TMEM132C: variants seen among roughly 807,000 people sequenced by gnomAD.
The protein encoded by TMEM132C is protein phosphatase 1, regulatory subunit 152.
TMEM132C carries 29 observed loss-of-function variants against 61.4 expected under a neutral mutation model. The ratio of observed to expected loss-of-function variants is 0.47; its 90% CI spans 0.35 to 0.64. The LOEUF is 0.64. Ranked by LOEUF, TMEM132C falls within the 30% of genes least tolerant of loss-of-function variation. TMEM132C has a pLI of 0.00. For missense variants in TMEM132C, 1,408 were observed against 1,476.9 expected (o/e 0.95, Z 0.76); for synonymous variants, 656 against 633.1 (o/e 1.04, Z -0.54).
chr12:128,567,170 CA>C lies in TMEM132C; in HGVS notation c.1121+23068del, dbSNP rs200271523. Among the ~76,000 whole-genome samples the C allele has an allele frequency of 9.4e-3, 1,427 of 152,254 alleles. 21 individuals carry two copies. Among genetic ancestry groups the C allele is most frequent in the African/African-American group, 0.033 (1,370 of 41,548 alleles). On this transcript the variant is annotated intron_variant, in intron 3 of 8. Coordinates refer to ENST00000435159, the MANE Select transcript of TMEM132C (RefSeq NM_001136103.3). ...CAGTCTTCTAAGACCCCATCCAAAT[CA>C]GAACATCATAATGTCTCCTTCAAGG...
intron 3 of TMEM132C, among the ~76,000 whole-genome samples, chr12:128,609,111 G>GCAA (rs1266933926): frequency 6.8e-6 from 1 of 148,142 alleles, no homozygotes; most frequent in African/African-American, 2.5e-5. Context: ...CTGCCTCCCT[G>GCAA]CACTGTAACC....
rs1333080474 is a variant in TMEM132C, at chr12:128,698,771, C to T, written c.2121+1356C>T. On this transcript the variant is annotated intron_variant, in intron 8 of 8. Transcript: ENST00000435159. The stretch of plus-strand genomic sequence containing the variant: ...TCTGGTGACTTGCGGCCACAATAGG[C>T]AGGCGGTCTGGGGAGGAAGCTCAGA... Among the ~76,000 whole-genome samples the T allele has an allele frequency of 5.9e-5, 9 of 152,348 alleles. No individual in the cohort carries two copies. In the East Asian group the frequency reaches 1.5e-3, roughly 26 times the overall value.
chr12:128,507,402 C>CTTTTTTTTTTTTTTTT (rs111625089), intron 2 of TMEM132C, among the ~76,000 whole-genome samples: 1 of 113,408 alleles, frequency 8.8e-6, no homozygotes, highest in Non-Finnish European at 1.8e-5. Context: ...TTTTTTCTTT[C>CTTTTTTTTTTTTTTTT]TTTTTTTTTT....
chr12:128,600,296 T>C lies in TMEM132C; in HGVS notation c.1122-15856T>C, dbSNP rs374915041. Among the ~76,000 whole-genome samples, 594 of 152,308 alleles carry C rather than the reference T, an allele frequency of 3.9e-3. 3 individuals are homozygous for C. Among genetic ancestry groups the C allele is most frequent in the African/African-American group, 0.013 (560 of 41,570 alleles). On this transcript the variant is annotated intron_variant, in intron 3 of 8. Coordinates refer to ENST00000435159, the MANE Select transcript of TMEM132C (RefSeq NM_001136103.3). Reference sequence around the variant, plus strand: ...CGCACCGGGCCAAGACCTGATGGTTTTATAAGGGGCTTTTCCCCTTTTTTG... The same window carrying C: ...CGCACCGGGCCAAGACCTGATGGTTCTATAAGGGGCTTTTCCCCTTTTTTG...
chr12:128,409,520 G>C (rs927294603), intron 1 of TMEM132C, among the ~76,000 whole-genome samples: 1 of 152,136 alleles, frequency 6.6e-6, no homozygotes. Flanking sequence ...AATGTTTCCA[G>C]TTCCTCCCAT....
chr12:128,320,851 T>G (rs552883778), intron 1 of TMEM132C, among the ~76,000 whole-genome samples: 9 of 151,224 alleles, frequency 6.0e-5, no homozygotes, highest in Admixed American at 2.0e-4. Flanking sequence ...ATATCAACAT[T>G]TAATAATAAA....
intron 2 of TMEM132C, among the ~76,000 whole-genome samples, chr12:128,525,259 A>G (rs1193745837): frequency 6.6e-6 from 1 of 151,956 alleles, no homozygotes; most frequent in Non-Finnish European, 1.5e-5. Context: ...ATGAGCCATA[A>G]AGGGAAGTTT....
intron 1 of TMEM132C, among the ~76,000 whole-genome samples, chr12:128,354,954 T>G (rs1212571510): frequency 6.6e-6 from 1 of 152,196 alleles, no homozygotes; most frequent in African/African-American, 2.4e-5. Context: ...CTCTTCCAAC[T>G]TCCACTACCT....
intron 1 of TMEM132C, among the ~76,000 whole-genome samples, chr12:128,402,471 A>G (rs991201600): frequency 5.9e-5 from 9 of 152,122 alleles, no homozygotes; most frequent in African/African-American, 1.7e-4. Context: ...TCTGACCTCC[A>G]GGACTATATA....
intron 1 of TMEM132C, among the ~76,000 whole-genome samples, chr12:128,316,799 A>G (rs766569110): frequency 8.5e-5 from 13 of 152,136 alleles, no homozygotes; most frequent in Non-Finnish European, 1.8e-4. Flanking sequence ...CAGGTACAGA[A>G]TTGGCTTAAT....
intron 1 of TMEM132C, among the ~76,000 whole-genome samples, chr12:128,389,086 G>C (rs1443922245): frequency 6.6e-6 from 1 of 152,140 alleles, no homozygotes; most frequent in East Asian, 1.9e-4. Flanking sequence ...ATGAGTCCGG[G>C]GTACCCAGGG....
At chr12:128,702,533 G>T (rs1424942986) in intron 8 of TMEM132C, among the ~76,000 whole-genome samples, 2 of 151,972 alleles carry the variant, frequency 1.3e-5, no homozygotes, top group African/African-American at 4.8e-5. Flanking sequence ...AACCACTCCC[G>T]GTGCAGCCTT....
rs114106443 is a variant in TMEM132C at position 128,272,454 on chromosome 12, G to T, written c.85+4967G>T. On this transcript the variant is annotated intron_variant, in intron 1 of 8. Coordinates refer to ENST00000435159, the MANE Select transcript of TMEM132C (RefSeq NM_001136103.3). The stretch of plus-strand genomic sequence containing the variant: ...AATTATGCAAGTTTTGGGTAATTAT[G>T]AAAAATGTTGCTATAAATATTCACC... Among the ~76,000 whole-genome samples, 1,326 of 152,234 alleles carry T rather than the reference G, an allele frequency of 8.7e-3. 21 individuals carry two copies. The highest frequency in any genetic ancestry group is 0.03 in the African/African-American group (1,256 of 41,544).
chr12:128,664,291 C>T (rs1233384809), intron 4 of TMEM132C, among the ~76,000 whole-genome samples: 1 of 143,972 alleles, frequency 6.9e-6, no homozygotes, highest in Non-Finnish European at 1.5e-5. Context: ...ATATAGTTCA[C>T]CTAGAAAATG....
chr12:128,293,933 G>T (rs1469770140), intron 1 of TMEM132C, among the ~76,000 whole-genome samples: 1 of 152,110 alleles, frequency 6.6e-6, no homozygotes, highest in African/African-American at 2.4e-5. Flanking sequence ...TACGCATTGT[G>T]AATTTTCATA....
chr12:128,294,620 A>ACG (rs1468471586), intron 1 of TMEM132C, among the ~76,000 whole-genome samples: 3 of 151,902 alleles, frequency 2.0e-5, no homozygotes, highest in Admixed American at 6.6e-5. Context: ...GAGCCCAGAG[A>ACG]TCCAAGATCA....
chr12:128,312,069 G>A (rs758871876), intron 1 of TMEM132C, among the ~76,000 whole-genome samples: 1 of 152,164 alleles, frequency 6.6e-6, no homozygotes, highest in African/African-American at 2.4e-5. Flanking sequence ...CAGGGCAGCC[G>A]GCTGGAGGTG....
chr12:128,414,874 C>A lies in TMEM132C; in HGVS notation c.228C>A (p.Ser76Arg). ...EANQDLLRNS[S>R]LQARVESFFT... ...ACCAGGACCTGCTGCGGAACTCCAG[C>A]CTGCAGGCGAGGGTGGAGTCCTTCT... Residue 76 changes from serine (S) to arginine (R), a missense_variant, in exon 2 of 9, where the codon AGC becomes AGA. Ser to Arg is a moderately radical substitution (Grantham distance 110). Coordinates refer to ENST00000435159, the MANE Select transcript of TMEM132C (RefSeq NM_001136103.3). 2 of 1,551,658 alleles carry A rather than the reference C, an allele frequency of 1.3e-6. No homozygotes were observed. Among genetic ancestry groups the A allele is most frequent in the Non-Finnish European group, 1.7e-6 (2 of 1,147,162 alleles).
chr12:128,343,421 T>A (rs1341182984), intron 1 of TMEM132C, among the ~76,000 whole-genome samples: 1 of 136,588 alleles, frequency 7.3e-6, no homozygotes, highest in African/African-American at 2.7e-5. Context: ...AGACTCAGTC[T>A]AAAAAAAAAA....
Sources: gnomAD v4.1 joint callset for allele counts (sites outside exome capture counted in the v4.1 genomes callset) on GRCh38, gnomAD v4.1.1 for gene constraint, MANE v1.5 for transcripts, NCBI Gene and HGNC (gene_info 2026-07-23, HGNC 2026-07-21) for gene names.